ZBTB41: variants seen among roughly 807,000 people sequenced by gnomAD.
ZBTB41 encodes zinc finger and BTB domain-containing protein 41.
In ZBTB41, 42 loss-of-function variants were observed where a neutral mutation model predicts 87.6. The ratio of observed to expected loss-of-function variants is 0.48; its 90% CI spans 0.37 to 0.62. ZBTB41 has a LOEUF of 0.62. Ranked by LOEUF, ZBTB41 falls within the 20% of genes least tolerant of loss-of-function variation. The pLI is 0.00. For missense variants in ZBTB41, 799 were observed against 1,078.9 expected (o/e 0.74, Z 3.63); for synonymous variants, 364 against 364.0 (o/e 1.00, Z 0.00).
In ZBTB41 at chr1:197,156,464, T is replaced by C. The variant is rs1659071586; in HGVS notation, c.*2895A>G. 6.6e-6 allele frequency: 1 copy of C among 152,192 alleles called. No individual in the cohort carries two copies. Among genetic ancestry groups the C allele is most frequent in the South Asian group, 2.1e-4 (1 of 4,828 alleles). 9.4% of individuals were successfully genotyped at this position (152,192 alleles called of 1,614,324 possible). On this transcript the variant is annotated 3_prime_UTR_variant, in exon 11 of 11. Coordinates refer to ENST00000367405, the MANE Select transcript of ZBTB41 (RefSeq NM_194314.3). ...AAATTATGCTCACAAAATAAAAAAA[T>C]TCTGAATGAGGCTAAACTTAGTTGC...
At chr1:197,176,431 C>A (rs1271469446) in intron 8 of ZBTB41, 133 bp downstream of exon 8, 2 of 585,766 alleles carry the variant, frequency 3.4e-6, no homozygotes, top group Non-Finnish European at 5.9e-6. Context: ...GTTTTCAGAA[C>A]CAGAATTACA....
At chr1:197,174,587 C>T (rs947085498) in intron 9 of ZBTB41, among the ~76,000 whole-genome samples, 3 of 152,058 alleles carry the variant, frequency 2.0e-5, no homozygotes, top group Non-Finnish European at 2.9e-5. Context: ...CTAAATTATA[C>T]TAAAAAGCTG....
At chr1:197,194,475 C>T (rs1660112721) in intron 2 of ZBTB41, among the ~76,000 whole-genome samples, 1 of 151,906 alleles carries the variant, frequency 6.6e-6, no homozygotes, top group African/African-American at 2.4e-5. Context: ...TTGAGAATTT[C>T]TTCTATGCAT....
rs750639483 is a variant in ZBTB41, at chr1:197,159,455, C to G, written c.2634G>C (p.Met878Ile). Reference protein sequence around the residue: ...NIVHPVRPEQMLDPREQSYLG... With the variant: ...NIVHPVRPEQILDPREQSYLG... ...GATAAGATTGTTCTCTAGGATCTAG[C>G]ATTTGTTCAGGTCGAACTGGGTGAA... is the stretch of plus-strand genomic sequence containing the variant. The change falls in exon 11 of 11, where the codon ATG (methionine) becomes ATC (isoleucine). Residue 878 changes from methionine (M) to isoleucine (I), a missense_variant. Met to Ile is a conservative substitution (Grantham distance 10). Transcript: ENST00000367405. The G allele has an allele frequency of 1.9e-6, 3 of 1,613,894 alleles. No individual in the cohort carries two copies. The highest frequency in any genetic ancestry group is 2.5e-6 in the Non-Finnish European group (3 of 1,179,836).
At chr1:197,176,762 C>T in intron 7 of ZBTB41, 92 bp from the exon 8 acceptor site, 1 of 905,228 alleles carries the variant, frequency 1.1e-6, no homozygotes, top group South Asian at 1.4e-5. Flanking sequence ...ACAATGAAAA[C>T]TGGGCTGTCT....
At chr1:197,177,705 G>T (rs1324028667) in intron 7 of ZBTB41, among the ~76,000 whole-genome samples, 1 of 151,958 alleles carries the variant, frequency 6.6e-6, no homozygotes, top group Non-Finnish European at 1.5e-5. Context: ...TATCTCCAGA[G>T]CCTCTCTCTC....
In ZBTB41 at chr1:197,153,986, A is replaced by G. The variant is rs1326775882; in HGVS notation, c.*5373T>C. Reference sequence around the variant, plus strand: ...CAAAAGCATTTCTACTTTAATATACACTGTAAATCCCCATAATCAAAACAT... The same window carrying G: ...CAAAAGCATTTCTACTTTAATATACGCTGTAAATCCCCATAATCAAAACAT... On this transcript the variant is annotated 3_prime_UTR_variant, in exon 11 of 11. Transcript: ENST00000367405. 6.6e-6 allele frequency: 1 copy of G among 152,594 alleles called. No homozygotes were observed. Among genetic ancestry groups the G allele is most frequent in the Non-Finnish European group, 1.5e-5 (1 of 68,014 alleles). The allele number at this position is 152,594 out of a possible 1,614,324, so 9.5% of individuals were successfully genotyped here.
At chr1:197,165,773 A>T (rs1474784796) in intron 10 of ZBTB41, among the ~76,000 whole-genome samples, 2 of 152,120 alleles carry the variant, frequency 1.3e-5, no homozygotes, top group African/African-American at 2.4e-5. Context: ...AAGGCAAATT[A>T]AAAAAAATAT....
intron 10 of ZBTB41, among the ~76,000 whole-genome samples, chr1:197,161,447 T>TTTGTTAAATGTTA (rs1553229739): frequency 6.7e-6 from 1 of 150,314 alleles, no homozygotes; most frequent in Admixed American, 6.7e-5. Context: ...CAAACTATTA[T>TTTGTTAAATGTTA]TTGTTAAATA....
intron 9 of ZBTB41, among the ~76,000 whole-genome samples, chr1:197,174,348 G>A (rs1419934154): frequency 6.6e-6 from 1 of 152,078 alleles, no homozygotes; most frequent in Non-Finnish European, 1.5e-5. Flanking sequence ...TGGTTACTGA[G>A]GTAGTCACCA....
intron 2 of ZBTB41, among the ~76,000 whole-genome samples, chr1:197,198,157 G>A (rs1660214629): frequency 6.6e-6 from 1 of 152,104 alleles, no homozygotes; most frequent in African/African-American, 2.4e-5. Context: ...CAACTTACTT[G>A]TATACATATG....
At chr1:197,196,532 C>G (rs1302344411) in intron 2 of ZBTB41, among the ~76,000 whole-genome samples, 1 of 152,024 alleles carries the variant, frequency 6.6e-6, no homozygotes, top group Non-Finnish European at 1.5e-5. Context: ...ATCCCTTTTT[C>G]CAATTTCCTT....
In ZBTB41 at chr1:197,166,499, TG is replaced by T. The variant is rs796329861; in HGVS notation, c.2074+5660del. ...AAAGTGAATAAATAAATTGAAAATATGACAGCTCTTTAACGGTCATACTAAA... is the reference window on the plus strand; with the variant it reads ...AAAGTGAATAAATAAATTGAAAATATACAGCTCTTTAACGGTCATACTAAA... On this transcript the variant is annotated intron_variant, in intron 10 of 10. Coordinates refer to ENST00000367405, the MANE Select transcript of ZBTB41 (RefSeq NM_194314.3). Among the ~76,000 whole-genome samples, 961 of 152,218 alleles carry T rather than the reference TG, an allele frequency of 6.3e-3. 11 individuals carry two copies. Among genetic ancestry groups the T allele is most frequent in the African/African-American group, 0.022 (923 of 41,542 alleles).
chr1:197,184,744 T>C (rs1659838769), intron 5 of ZBTB41, among the ~76,000 whole-genome samples: 1 of 152,132 alleles, frequency 6.6e-6, no homozygotes, highest in Admixed American at 6.5e-5. Context: ...TATTTTATAG[T>C]TCTTAAAGAC....
chr1:197,191,547 GA>G (rs990644500), intron 3 of ZBTB41, 144 bp downstream of exon 3: 16 of 556,166 alleles, frequency 2.9e-5, no homozygotes, highest in African/African-American at 2.8e-4. Context: ...ACCCAAGAAA[GA>G]AAACAGGATA....
intron 5 of ZBTB41, among the ~76,000 whole-genome samples, chr1:197,186,670 T>C (rs1302879080): frequency 6.6e-6 from 1 of 152,150 alleles, no homozygotes; most frequent in Non-Finnish European, 1.5e-5. Flanking sequence ...AAGACCAGCC[T>C]GAGTAACCTG....
At chr1:197,177,209 G>C (rs573053169) in intron 7 of ZBTB41, among the ~76,000 whole-genome samples, 1 of 152,174 alleles carries the variant, frequency 6.6e-6, no homozygotes, top group Non-Finnish European at 1.5e-5. Flanking sequence ...CTGGATCATG[G>C]GGGCAGTTTC....
rs1659074683 is a variant in ZBTB41 at position 197,156,602 on chromosome 1, T to A, written c.*2757A>T. 6.6e-6 allele frequency: 1 copy of A among 152,248 alleles called. No individual in the cohort carries two copies. The highest frequency in any genetic ancestry group is 2.1e-4 in the South Asian group (1 of 4,832). The allele number at this position is 152,248 out of a possible 1,614,324, so 9.4% of individuals were successfully genotyped here. On this transcript the variant is annotated 3_prime_UTR_variant, in exon 11 of 11. Transcript: ENST00000367405. ...AAAGGTCAACTGAAAAGAATAGGCC[T>A]CCTTTTATACTTTTTGTGCCAACTT... is the stretch of plus-strand genomic sequence containing the variant.
intron 2 of ZBTB41, among the ~76,000 whole-genome samples, chr1:197,194,111 C>T (rs1171062411): frequency 6.6e-6 from 1 of 151,996 alleles, no homozygotes; most frequent in African/African-American, 2.4e-5. Context: ...CTCTGCCTCC[C>T]GGGTTCAAGC....
Sources: gnomAD v4.1 joint callset for allele counts (sites outside exome capture counted in the v4.1 genomes callset) on GRCh38, gnomAD v4.1.1 for gene constraint, MANE v1.5 for transcripts, NCBI Gene and HGNC (gene_info 2026-07-23, HGNC 2026-07-21) for gene names.